The following CTSB variants were observed in gnomAD, a reference collection of about 807,000 sequenced individuals.
The protein encoded by CTSB is APP secretase.
A neutral mutation model predicts 44.3 loss-of-function variants in CTSB; 57 were observed. The observed-to-expected ratio is 1.29, with a 90% confidence interval of 1.04 to 1.60. The LOEUF (loss-of-function observed/expected upper bound fraction) is 1.60, where lower values mean the gene tolerates loss of function less well. CTSB is among the 40% of genes most tolerant of loss of function. The pLI, the probability that CTSB is intolerant of heterozygous loss-of-function variation, is 0.00. For missense variants in CTSB, 768 were observed against 443.0 expected (o/e 1.73, Z -6.59); for synonymous variants, 320 against 168.0 (o/e 1.91, Z -7.00).
rs1450587604 is a variant in CTSB, at chr8:11,845,009, G to A, written c.*116C>T. The A allele has an allele frequency of 4.2e-6, 3 of 711,672 alleles. No individual in the cohort carries two copies. Among genetic ancestry groups the A allele is most frequent in the Admixed American group, 2.2e-5 (1 of 45,086 alleles). 44.1% of individuals were successfully genotyped at this position (711,672 alleles called of 1,614,324 possible). A position where few individuals can be genotyped will look rare whatever the true frequency, so the allele number is the denominator to read the frequency against. ...CCTTGGAAGACAGGTCTGATGTTTGGCCAATCCAGTCCTTCAGACCCTGTC... is the reference window on the plus strand; with the variant it reads ...CCTTGGAAGACAGGTCTGATGTTTGACCAATCCAGTCCTTCAGACCCTGTC... On this transcript the variant is annotated 3_prime_UTR_variant, in exon 10 of 10. Transcript: ENST00000353047.
intron 7 of CTSB, 86 bp downstream of exon 7, chr8:11,847,593 C>G (rs568987258): frequency 1.4e-6 from 2 of 1,446,640 alleles, no homozygotes; most frequent in South Asian, 2.9e-5. Context: ...GGCTCCTCAG[C>G]CCTGACCTCT....
chr8:11,856,083 C>T (rs924260092), intron 1 of CTSB, among the ~76,000 whole-genome samples: 2 of 151,468 alleles, frequency 1.3e-5, no homozygotes, highest in African/African-American at 4.9e-5. Context: ...CAGATAAAAT[C>T]AAGGAGGTAT....
rs757432398 is a variant in CTSB at position 11,849,069 on chromosome 8, G to T, written c.423C>A (p.Cys141Ter). Residue 141 changes from cysteine to a stop codon, truncating the protein, a stop_gained, in exon 5 of 10, where the codon TGC becomes TGA. Coordinates refer to ENST00000353047, the MANE Select transcript of CTSB (RefSeq NM_001908.5). LOFTEE classifies it high-confidence loss of function. ...VEVSAEDLLTCCGSMCGDGCN... is the reference protein window; with the variant it reads ...VEVSAEDLLT ...ACCCGTCCCCACACATGCTGCCACA[G>T]CATGTGAGCAGGTCCTCCGCCGACA... 1.2e-6 allele frequency: 2 copies of T among 1,613,098 alleles called. No homozygotes were observed. Among genetic ancestry groups the T allele is most frequent in the Non-Finnish European group, 1.7e-6 (2 of 1,179,582 alleles).
At chr8:11,859,635 G>C (rs1174406476) in intron 1 of CTSB, among the ~76,000 whole-genome samples, 1 of 151,930 alleles carries the variant, frequency 6.6e-6, no homozygotes, top group African/African-American at 2.4e-5. Context: ...AGGCACGGTG[G>C]TGGGTGCCTG....
intron 2 of CTSB, among the ~76,000 whole-genome samples, 166 bp from the exon 3 acceptor site, chr8:11,852,861 AG>A (rs1230578115): frequency 6.6e-6 from 1 of 152,184 alleles, no homozygotes; most frequent in Non-Finnish European, 1.5e-5. Context: ...ACACGGGCAG[AG>A]TGGGTGTCTC....
Position 11,844,977 on chromosome 8 carries a change from T to G in CTSB, c.*148A>C, listed in dbSNP as rs1586068056. On this transcript the variant is annotated 3_prime_UTR_variant, in exon 10 of 10. Transcript: ENST00000353047. Reference sequence around the variant, plus strand: ...CCACAGGCTGGGATGTAGCCAGGACTTGGTCTCCTTGGAAGACAGGTCTGA... The same window carrying G: ...CCACAGGCTGGGATGTAGCCAGGACGTGGTCTCCTTGGAAGACAGGTCTGA... 3.2e-6 allele frequency: 2 copies of G among 630,118 alleles called. No individual in the cohort carries two copies. The highest frequency in any genetic ancestry group is 5.0e-5 in the Admixed American group (2 of 39,610). 39.0% of individuals were successfully genotyped at this position (630,118 alleles called of 1,614,324 possible). A position where few individuals can be genotyped will look rare whatever the true frequency, so the allele number is the denominator to read the frequency against.
chr8:11,867,755 A>AGAGGGCT (rs1817380223), intron 1 of CTSB: 1 of 152,246 alleles, frequency 6.6e-6, no homozygotes. Flanking sequence ...AGCGGAGGGC[A>AGAGGGCT]GAGGGCTGGC....
Position 11,855,835 on chromosome 8 carries a change from T to C in CTSB, c.-25-2356A>G, listed in dbSNP as rs541167874. On this transcript the variant is annotated intron_variant, in intron 1 of 9. Coordinates refer to ENST00000353047, the MANE Select transcript of CTSB (RefSeq NM_001908.5). ...GAGTTTGAGACCAGCCTGGCCAACA[T>C]GGTGAAACCCCGTCTCCACTAAAAA... is the stretch of plus-strand genomic sequence containing the variant. Among the ~76,000 whole-genome samples the C allele has an allele frequency of 9.9e-4, 150 of 152,128 alleles. 1 individual carries two copies. Among genetic ancestry groups the C allele is most frequent in the African/African-American group, 2.9e-3 (120 of 41,506 alleles).
At chr8:11,867,495 G>C (rs1263025446) in intron 1 of CTSB, 1 of 152,274 alleles carries the variant, frequency 6.6e-6, no homozygotes, top group Non-Finnish European at 1.5e-5. Context: ...GAATTGCGTG[G>C]GATCTTGCGC....
intron 6 of CTSB, 83 bp downstream of exon 6, chr8:11,847,984 G>T (rs762657624): frequency 1.4e-6 from 2 of 1,390,550 alleles, no homozygotes; most frequent in Non-Finnish European, 2.0e-6. Context: ...TCAACCCCCA[G>T]TTTATAAAGG....
rs778777797 is a variant in CTSB at position 11,845,096 on chromosome 8, C to T, written c.*29G>A. 2 of 1,481,938 alleles carry T rather than the reference C, an allele frequency of 1.3e-6. No individual in the cohort carries two copies. The highest frequency in any genetic ancestry group is 1.4e-5 in the African/African-American group (1 of 72,254). The allele number at this position is 1,481,938 out of a possible 1,614,324, so 91.8% of individuals were successfully genotyped here. ...TGCATTTCTACCCCGATCTCGCCCC[C>T]AGGACTGGCACGACAGGCCCACGGC... On this transcript the variant is annotated 3_prime_UTR_variant, in exon 10 of 10. Transcript: ENST00000353047.
At position 11,850,673 on chromosome 8, in the gene CTSB, C is replaced by G. The variant is rs915744712; in HGVS notation, c.327+193G>C. The G allele has an allele frequency of 2.1e-4, 101 of 477,054 alleles. 1 individual carries two copies. The highest frequency in any genetic ancestry group is 1.3e-4 in the Admixed American group (4 of 30,312). The allele number at this position is 477,054 out of a possible 1,614,324, so 29.6% of individuals were successfully genotyped here. ...ACTTGCAATCTGCTGGATGCTCTGC[C>G]CGCCACTCCACCTAATCCTCGCCAT... On this transcript the variant is annotated intron_variant, in intron 4 of 9. Transcript: ENST00000353047.
rs1294563842 is a variant in CTSB at position 11,845,797 on chromosome 8, G to C, written c.794-8C>G. The C allele has an allele frequency of 6.2e-7, 1 of 1,608,840 alleles. No homozygotes were observed. The highest frequency in any genetic ancestry group is 1.1e-5 in the South Asian group (1 of 90,698). On this transcript the variant is annotated splice_region_variant and splice_polypyrimidine_tract_variant and intron_variant, in intron 8 of 9. Transcript: ENST00000353047. ...TGACGTGTTGGTACACTCCTGAAAA[G>C]GGAAGAACTGGCTGAGACCGAGACC...
At chr8:11,860,473 A>G (rs957393375) in intron 1 of CTSB, among the ~76,000 whole-genome samples, 2 of 152,136 alleles carry the variant, frequency 1.3e-5, no homozygotes, top group African/African-American at 4.8e-5. Context: ...AATACAAAAA[A>G]TTAGCCAGGC....
intron 3 of CTSB, 79 bp downstream of exon 3, chr8:11,852,531 C>A: frequency 8.3e-7 from 1 of 1,203,422 alleles, no homozygotes; most frequent in South Asian, 1.4e-5. Flanking sequence ...CCAGAGAGGC[C>A]TTCACTCTCC....
chr8:11,844,685 T>G lies in CTSB; in HGVS notation c.*440A>C, dbSNP rs908355775. 8 of 164,098 alleles carry G rather than the reference T, an allele frequency of 4.9e-5. No individual in the cohort carries two copies. Among genetic ancestry groups the G allele is most frequent in the Non-Finnish European group, 9.3e-5 (7 of 75,156 alleles). The allele number at this position is 164,098 out of a possible 1,614,324, so 10.2% of individuals were successfully genotyped here. A position where few individuals can be genotyped will look rare whatever the true frequency, so the allele number is the denominator to read the frequency against. On this transcript the variant is annotated 3_prime_UTR_variant, in exon 10 of 10. Transcript: ENST00000353047. ...GGGAGACTGGCGTTCTCCAAAGGGC[T>G]CCCAACACCGTCTCTCCTCTGATTT...
intron 1 of CTSB, among the ~76,000 whole-genome samples, chr8:11,860,096 C>G (rs1479876940): frequency 6.6e-6 from 1 of 152,044 alleles, no homozygotes; most frequent in Non-Finnish European, 1.5e-5. Flanking sequence ...AAAGAAAAAG[C>G]TTTCTTACAT....
intron 1 of CTSB, among the ~76,000 whole-genome samples, chr8:11,858,174 C>CG (rs1563422607): frequency 2.0e-5 from 3 of 152,244 alleles, no homozygotes; most frequent in African/African-American, 2.4e-5. Flanking sequence ...GTAGGAAGGG[C>CG]ACTCGCTCCA....
chr8:11,861,973 T>A (rs944937849), intron 1 of CTSB, among the ~76,000 whole-genome samples: 4 of 152,132 alleles, frequency 2.6e-5, no homozygotes, highest in African/African-American at 9.7e-5. Context: ...TTTGGGAGGC[T>A]GAGGTGGGCG....
Sources: allele counts gnomAD v4.1 joint callset (sites outside exome capture counted in the v4.1 genomes callset), GRCh38; gene constraint gnomAD v4.1.1; transcripts MANE v1.5; gene names NCBI Gene and HGNC (gene_info 2026-07-23, HGNC 2026-07-21).